KCNMA1: variants seen among roughly 807,000 people sequenced by gnomAD.
The protein encoded by KCNMA1 is Calcium-activated potassium channel subunit alpha-1.
Under a neutral mutation model 140.0 loss-of-function variants are expected in KCNMA1, and 29 were observed. The observed-to-expected ratio is 0.21, with a 90% confidence interval of 0.15 to 0.28. The LOEUF (loss-of-function observed/expected upper bound fraction) is 0.28. Among genes scored for constraint, KCNMA1 ranks in the 10% least tolerant of loss-of-function variants. The pLI is 1.00. For missense variants in KCNMA1, 880 were observed against 1,602.2 expected, an observed-to-expected ratio of 0.55 and a Z score of 7.70; for synonymous variants, 612 against 611.9, an observed-to-expected ratio of 1.00 and a Z score of 0.00.
intron 3 of KCNMA1, 65 bp downstream of exon 3, chr10:77,251,130 G>T: frequency 7.9e-7 from 1 of 1,272,852 alleles, no homozygotes; most frequent in Non-Finnish European, 1.1e-6. Flanking sequence ...GTAAATAAAT[G>T]GATCAATGTA....
chr10:76,940,184 T>A (rs564746142), intron 23 of KCNMA1, among the ~76,000 whole-genome samples: 3 of 152,254 alleles, frequency 2.0e-5, no homozygotes, highest in Non-Finnish European at 4.4e-5. Context: ...GCTTGGGATA[T>A]GCCACCTTTT....
At position 77,271,048 on chromosome 10, in the gene KCNMA1, C is replaced by A. The variant is rs11002105; in HGVS notation, c.541-19792G>T. On this transcript the variant is annotated intron_variant, in intron 2 of 27. Coordinates refer to ENST00000286628, the MANE Select transcript of KCNMA1 (RefSeq NM_001161352.2). ...ATACTTCATGCACCTGACACCCCCA[C>A]TGAAATATAACAGTGTTTCATGTGT... Among the ~76,000 whole-genome samples the A allele has an allele frequency of 0.011, 1,690 of 152,334 alleles. 72 individuals carry two copies. The East Asian group carries it at 0.12, about 11-fold the overall frequency.
At chr10:77,435,902 AT>A (rs1232791614) in intron 1 of KCNMA1, among the ~76,000 whole-genome samples, 2 of 152,216 alleles carry the variant, frequency 1.3e-5, no homozygotes, top group South Asian at 4.1e-4. Flanking sequence ...AGAGGTCTTC[AT>A]TTTGGATGAA....
At chr10:77,042,231 A>G (rs2094758076) in intron 14 of KCNMA1, among the ~76,000 whole-genome samples, 1 of 146,260 alleles carries the variant, frequency 6.8e-6, no homozygotes, top group African/African-American at 2.5e-5. Flanking sequence ...TTTAAAAATT[A>G]ACTGCAATGT....
In KCNMA1 at chr10:77,498,327, A is replaced by G. The variant is rs890900939; in HGVS notation, c.379-94304T>C. On this transcript the variant is annotated intron_variant, in intron 1 of 27. Coordinates refer to ENST00000286628, the MANE Select transcript of KCNMA1 (RefSeq NM_001161352.2). ...TTCAGCAGCAGCAGCAGCTCTGAGAAGCCCTGGGAATCACATGGCAGATAC... is the reference window on the plus strand; with the variant it reads ...TTCAGCAGCAGCAGCAGCTCTGAGAGGCCCTGGGAATCACATGGCAGATAC... Among the ~76,000 whole-genome samples the G allele has an allele frequency of 2.0e-5, 3 of 152,218 alleles. No homozygotes were observed. In the South Asian group the frequency reaches 6.2e-4, roughly 32 times the overall value.
chr10:77,620,131 A>C (rs1175599774), intron 1 of KCNMA1, among the ~76,000 whole-genome samples: 1 of 152,208 alleles, frequency 6.6e-6, no homozygotes, highest in African/African-American at 2.4e-5. Flanking sequence ...CTGTTGCACC[A>C]GTGCCCAGGA....
At chr10:76,914,373 C>A in intron 24 of KCNMA1, 2 of 531,300 alleles carry the variant, frequency 3.8e-6, no homozygotes, top group South Asian at 2.9e-5. Flanking sequence ...CCAACATGGC[C>A]CTCAAAACCC....
At chr10:77,553,670 A>AG (rs1435758037) in intron 1 of KCNMA1, among the ~76,000 whole-genome samples, 2 of 152,226 alleles carry the variant, frequency 1.3e-5, no homozygotes, top group African/African-American at 4.8e-5. Flanking sequence ...GCCTACTCCC[A>AG]GGGGATGCCC....
chr10:77,296,913 G>A (rs1011386997), intron 2 of KCNMA1, among the ~76,000 whole-genome samples: 6 of 146,518 alleles, frequency 4.1e-5, no homozygotes, highest in African/African-American at 9.8e-5. Flanking sequence ...GTGTGTGGGC[G>A]GGGGGGCGGT....
chr10:76,907,402 C>T (rs796190614), intron 25 of KCNMA1, among the ~76,000 whole-genome samples: 3 of 152,298 alleles, frequency 2.0e-5, no homozygotes, highest in African/African-American at 7.2e-5. Context: ...CTACCATATG[C>T]CCCTTTGGCT....
rs554646204 is a variant in KCNMA1, at chr10:77,343,143, C to T, written c.540+60719G>A. The stretch of plus-strand genomic sequence containing the variant: ...GGGGACCCCAGGTGAGCATTGAGGC[C>T]GGGTTCTCAAGAGACTGAAGGGGGT... On this transcript the variant is annotated intron_variant, in intron 2 of 27. Coordinates refer to ENST00000286628, the MANE Select transcript of KCNMA1 (RefSeq NM_001161352.2). 4.6e-5 allele frequency among the ~76,000 whole-genome samples: 7 copies of T among 152,164 alleles called. No homozygotes were observed. The East Asian group carries it at 1.2e-3, about 25-fold the overall frequency.
intron 5 of KCNMA1, among the ~76,000 whole-genome samples, chr10:77,137,658 T>C (rs753228812): frequency 6.6e-6 from 1 of 152,202 alleles, no homozygotes; most frequent in Non-Finnish European, 1.5e-5. Context: ...TCTCGCTTCC[T>C]CTCAAATGCC....
chr10:77,528,279 T>C lies in KCNMA1; in HGVS notation c.378+108986A>G, dbSNP rs187918377. 1.9e-3 allele frequency among the ~76,000 whole-genome samples: 293 copies of C among 152,230 alleles called. 6 individuals are homozygous for C. Among genetic ancestry groups the C allele is most frequent in the Admixed American group, 0.019 (290 of 15,290 alleles). Reference sequence around the variant, plus strand: ...CAATAAGTTAAACACAGCATTACCATAGGATCTAGCAATCCCATTCCTAGG... The same window carrying C: ...CAATAAGTTAAACACAGCATTACCACAGGATCTAGCAATCCCATTCCTAGG... On this transcript the variant is annotated intron_variant, in intron 1 of 27. Coordinates refer to ENST00000286628, the MANE Select transcript of KCNMA1 (RefSeq NM_001161352.2).
intron 3 of KCNMA1, among the ~76,000 whole-genome samples, chr10:77,234,333 A>G (rs1383388068): frequency 5.9e-5 from 9 of 152,112 alleles, no homozygotes; most frequent in African/African-American, 1.4e-4. Flanking sequence ...TTCCATTACC[A>G]GTTTTATTTT....
intron 24 of KCNMA1, chr10:76,910,551 A>G: frequency 3.6e-6 from 1 of 274,518 alleles, no homozygotes. Context: ...AGGGGAGCAC[A>G]GCAAAGGCAG....
At chr10:77,613,954 G>A (rs1477746950) in intron 1 of KCNMA1, among the ~76,000 whole-genome samples, 3 of 152,232 alleles carry the variant, frequency 2.0e-5, no homozygotes, top group Non-Finnish European at 2.9e-5. Flanking sequence ...GAGGCAGTCA[G>A]GCATGAGAGG....
downstream of KCNMA1, chr10:76,875,850 C>T (rs2032282589): frequency 6.6e-6 from 1 of 152,560 alleles, no homozygotes; most frequent in Non-Finnish European, 1.5e-5. Flanking sequence ...TGTTTATAAG[C>T]CTGAATATAG....
In KCNMA1 at chr10:76,971,988, T is replaced by A. The variant is rs186091822; in HGVS notation, c.2267-1921A>T. Among the ~76,000 whole-genome samples, 375 of 151,974 alleles carry A rather than the reference T, an allele frequency of 2.5e-3. 4 individuals are homozygous for A. Among genetic ancestry groups the A allele is most frequent in the African/African-American group, 8.7e-3 (360 of 41,406 alleles). On this transcript the variant is annotated intron_variant, in intron 19 of 27. Coordinates refer to ENST00000286628, the MANE Select transcript of KCNMA1 (RefSeq NM_001161352.2). The stretch of plus-strand genomic sequence containing the variant: ...GAGGGTGTGTGGGTGTGTGTGTGTG[T>A]GTGTGTGTGTAGGTATGCTTTCGCA...
At chr10:76,938,225 C>G (rs1323422436) in intron 23 of KCNMA1, among the ~76,000 whole-genome samples, 1 of 152,152 alleles carries the variant, frequency 6.6e-6, no homozygotes, top group East Asian at 1.9e-4. Context: ...TTAAGGACTT[C>G]ATTTCCACCC....
Sources: gnomAD v4.1 joint callset for allele counts (sites outside exome capture counted in the v4.1 genomes callset) on GRCh38, gnomAD v4.1.1 for gene constraint, MANE v1.5 for transcripts, NCBI Gene and HGNC (gene_info 2026-07-23, HGNC 2026-07-21) for gene names.